The following OGN variants were observed in gnomAD, a reference collection of about 807,000 sequenced individuals.
OGN encodes mimecan.
OGN carries 19 observed loss-of-function variants against 30.8 expected under a neutral mutation model. The ratio of observed to expected loss-of-function variants is 0.62; its 90% CI spans 0.43 to 0.90. The LOEUF is 0.90. OGN is among the 40% of genes least tolerant of loss of function. The pLI, the probability that OGN is intolerant of heterozygous loss-of-function variation, is 0.00. For missense variants in OGN, 283 were observed against 349.7 expected, an observed-to-expected ratio of 0.81 and a Z score of 1.52; for synonymous variants, 126 against 128.3, an observed-to-expected ratio of 0.98 and a Z score of 0.12.
chr9:92,387,495 G>A (rs1267457942), intron 5 of OGN, among the ~76,000 whole-genome samples: 1 of 152,090 alleles, frequency 6.6e-6, no homozygotes, highest in African/African-American at 2.4e-5. Context: ...TTCATGATCA[G>A]TAACCCATTA....
At chr9:92,391,221 C>G (rs1252695508) in intron 4 of OGN, among the ~76,000 whole-genome samples, 1 of 151,406 alleles carries the variant, frequency 6.6e-6, no homozygotes, top group East Asian at 1.9e-4. Flanking sequence ...ACGGTGAAAC[C>G]CCATCTCTAC....
chr9:92,389,271 C>T (rs1273902865), intron 5 of OGN, among the ~76,000 whole-genome samples: 4 of 152,208 alleles, frequency 2.6e-5, no homozygotes, highest in South Asian at 2.1e-4. Context: ...CTACCTAAAC[C>T]GAAGTAGATT....
chr9:92,398,984 C>T (rs1843000389), intron 3 of OGN, among the ~76,000 whole-genome samples: 1 of 151,834 alleles, frequency 6.6e-6, no homozygotes, highest in Admixed American at 6.6e-5. Flanking sequence ...TTGCTTGAGC[C>T]CAAATGGCGG....
rs956979591 is a variant in OGN at position 92,383,406 on chromosome 9, C to T, written c.*2214G>A. Among the ~76,000 whole-genome samples, 2 of 152,152 alleles carry T rather than the reference C, an allele frequency of 1.3e-5. No individual in the cohort carries two copies. Among genetic ancestry groups the T allele is most frequent in the Non-Finnish European group, 2.9e-5 (2 of 68,022 alleles). ...TTGGATAGTATTGTTGTCTTAACAA[C>T]ATTAAATCTTACCATCCATAAACAC... On this transcript the variant is annotated 3_prime_UTR_variant, in exon 7 of 7. Coordinates refer to ENST00000375561, the MANE Select transcript of OGN (RefSeq NM_014057.5).
At chr9:92,401,322 T>A (rs1401124097) in intron 2 of OGN, 137 bp from the exon 3 acceptor site, 1 of 509,450 alleles carries the variant, frequency 2.0e-6, no homozygotes, top group Non-Finnish European at 3.5e-6. Flanking sequence ...TCATACATAT[T>A]TCCATTTTAT....
chr9:92,393,228 C>A lies in OGN; in HGVS notation c.285G>T (p.Leu95=). Residue 95 remains leucine (L), a synonymous_variant, in exon 4 of 7, where the codon CTG becomes CTT. Transcript: ENST00000375561. ...CAGAGCCACTTAAACAAACACACAG[C>A]AGACACGTGGGCATTTCTAAATTGG... is the stretch of plus-strand genomic sequence containing the variant. ...KKENDEMPTC[L]LCVCLSGSVY... is the part of the protein sequence containing the mutation. 1 of 1,591,340 alleles carries A rather than the reference C, an allele frequency of 6.3e-7. No homozygotes were observed. Among genetic ancestry groups the A allele is most frequent in the Non-Finnish European group, 8.6e-7 (1 of 1,168,522 alleles).
At chr9:92,386,882 T>TA (rs2130882350) in intron 5 of OGN, among the ~76,000 whole-genome samples, 1 of 150,076 alleles carries the variant, frequency 6.7e-6, no homozygotes, top group East Asian at 2.0e-4. Context: ...ATGCCCGGCC[T>TA]AAAAAAATAC....
intron 4 of OGN, among the ~76,000 whole-genome samples, chr9:92,392,392 G>A (rs948563155): frequency 1.3e-4 from 20 of 152,144 alleles, no homozygotes; most frequent in African/African-American, 4.8e-4. Context: ...GGGAGGCCGA[G>A]GCGGGCGGAT....
rs1202101650 is a variant in OGN at position 92,384,135 on chromosome 9, T to TA, written c.*1484dup. On this transcript the variant is annotated 3_prime_UTR_variant, in exon 7 of 7. Coordinates refer to ENST00000375561, the MANE Select transcript of OGN (RefSeq NM_014057.5). ...TGCACACAAAATAACGAGAAAGTAG[T>TA]ATAATAGCTGTGATCATTAGTTATC... The TA allele has an allele frequency of 6.6e-6, 1 of 152,184 alleles. No homozygotes were observed. Among genetic ancestry groups the TA allele is most frequent in the Non-Finnish European group, 1.5e-5 (1 of 68,012 alleles). 9.4% of individuals were successfully genotyped at this position (152,184 alleles called of 1,614,324 possible). A position where few individuals can be genotyped will look rare whatever the true frequency, so the allele number is the denominator to read the frequency against.
chr9:92,389,114 A>G (rs937978770), intron 5 of OGN, among the ~76,000 whole-genome samples: 1 of 152,304 alleles, frequency 6.6e-6, no homozygotes, highest in East Asian at 1.9e-4. Flanking sequence ...CTTTAGAAGC[A>G]AGAAACCTTG....
rs1320221731 is a variant in OGN at position 92,384,152 on chromosome 9, T to TTAGTTATCAAAA, written c.*1456_*1467dup. ...GAAAGTAGTATAATAGCTGTGATCA[T>TTAGTTATCAAAA]TAGTTATCAAAATAAGTGAATGAGC... On this transcript the variant is annotated 3_prime_UTR_variant, in exon 7 of 7. Transcript: ENST00000375561. 6.6e-6 allele frequency: 1 copy of TTAGTTATCAAAA among 152,166 alleles called. No individual in the cohort carries two copies. The highest frequency in any genetic ancestry group is 1.5e-5 in the Non-Finnish European group (1 of 68,008). The allele number at this position is 152,166 out of a possible 1,614,324, so 9.4% of individuals were successfully genotyped here.
At position 92,403,255 on chromosome 9, in the gene OGN, G is replaced by A; in HGVS notation, c.153C>T (p.Tyr51=). ...GTACCTTAATATTTTTTCCATCCAGGTATTTATCCTCATAATCTTGGCTAA... is the reference window on the plus strand; with the variant it reads ...GTACCTTAATATTTTTTCCATCCAGATATTTATCCTCATAATCTTGGCTAA... ...SIFSQDYEDK[Y]LDGKNIKEKE... The change falls in exon 2 of 7, where the codon TAC becomes TAT. Residue 51 remains tyrosine, a synonymous_variant. Transcript: ENST00000375561. 5 of 1,587,314 alleles carry A rather than the reference G, an allele frequency of 3.1e-6. No homozygotes were observed. Among genetic ancestry groups the A allele is most frequent in the Non-Finnish European group, 4.3e-6 (5 of 1,159,648 alleles).
chr9:92,385,761 G>T lies in OGN; in HGVS notation c.756C>A (p.Asp252Glu). ...QFNNIASITD[D>E]TFCKANDTSY... ...TGGTGTCATTAGCCTTGCAGAATGTGTCATCTGTAATTGAAGCTATGTTGT... is the reference window on the plus strand; with the variant it reads ...TGGTGTCATTAGCCTTGCAGAATGTTTCATCTGTAATTGAAGCTATGTTGT... Residue 252 changes from aspartate (D) to glutamate (E), a missense_variant, in exon 7 of 7, where the codon GAC becomes GAA. By Grantham distance (45) the Asp-to-Glu change is conservative. Transcript: ENST00000375561. 3.7e-6 allele frequency: 6 copies of T among 1,614,044 alleles called. No individual in the cohort carries two copies. Among genetic ancestry groups the T allele is most frequent in the Non-Finnish European group, 5.1e-6 (6 of 1,179,964 alleles).
intron 5 of OGN, among the ~76,000 whole-genome samples, chr9:92,388,622 C>T (rs1345074270): frequency 2.0e-5 from 3 of 151,626 alleles, no homozygotes; most frequent in African/African-American, 4.8e-5. Flanking sequence ...GGGCGGATCA[C>T]CTGAGGTCAG....
At chr9:92,402,402 A>G (rs1202851989) in intron 2 of OGN, among the ~76,000 whole-genome samples, 3 of 152,202 alleles carry the variant, frequency 2.0e-5, no homozygotes, top group Non-Finnish European at 4.4e-5. Flanking sequence ...TTTATAGTGG[A>G]GAAGAACTTC....
In OGN at chr9:92,383,950, C is replaced by A. The variant is rs1465960808; in HGVS notation, c.*1670G>T. ...TGATAGTTTAAAGATTCAATTTTTC[C>A]AAATAAAACAGAACCCTTCTATTTA... On this transcript the variant is annotated 3_prime_UTR_variant, in exon 7 of 7. Coordinates refer to ENST00000375561, the MANE Select transcript of OGN (RefSeq NM_014057.5). The A allele has an allele frequency of 6.6e-6, 1 of 151,928 alleles. No individual in the cohort carries two copies. Among genetic ancestry groups the A allele is most frequent in the African/African-American group, 2.4e-5 (1 of 41,366 alleles). The allele number at this position is 151,928 out of a possible 1,614,324, so 9.4% of individuals were successfully genotyped here. A position where few individuals can be genotyped will look rare whatever the true frequency, so the allele number is the denominator to read the frequency against.
Position 92,393,248 on chromosome 9 carries a change from A to C in OGN, c.269-4T>G. 6.4e-7 allele frequency: 1 copy of C among 1,561,062 alleles called. No individual in the cohort carries two copies. The highest frequency in any genetic ancestry group is 8.7e-7 in the Non-Finnish European group (1 of 1,153,864). ...CACAGCAGACACGTGGGCATTTCTA[A>C]ATTGGGAATAAAATCATAAAAATAT... On this transcript the variant is annotated splice_region_variant and splice_polypyrimidine_tract_variant and intron_variant, in intron 3 of 6. Coordinates refer to ENST00000375561, the MANE Select transcript of OGN (RefSeq NM_014057.5).
At chr9:92,396,397 G>A (rs2130913249) in intron 3 of OGN, among the ~76,000 whole-genome samples, 1 of 151,726 alleles carries the variant, frequency 6.6e-6, no homozygotes, top group East Asian at 1.9e-4. Flanking sequence ...AAACCTATTA[G>A]GATTTTGATT....
intron 4 of OGN, 66 bp downstream of exon 4, chr9:92,393,020 C>CA (rs1588089776): frequency 7.6e-7 from 1 of 1,321,780 alleles, no homozygotes; most frequent in East Asian, 2.4e-5. Context: ...TATATAGAAA[C>CA]TTGTGTTTAT....
Sources: allele counts gnomAD v4.1 joint callset (sites outside exome capture counted in the v4.1 genomes callset), GRCh38; gene constraint gnomAD v4.1.1; transcripts MANE v1.5; gene names NCBI Gene and HGNC (gene_info 2026-07-23, HGNC 2026-07-21).